MYO16: variants seen among roughly 807,000 people sequenced by gnomAD.
MYO16 encodes myosin XVI.
A neutral mutation model predicts 205.3 loss-of-function variants in MYO16; 94 were observed. The ratio of observed to expected loss-of-function variants is 0.46; its 90% CI spans 0.39 to 0.54. The LOEUF is 0.54. Among genes scored for constraint, MYO16 ranks in the 20% least tolerant of loss-of-function variants. The pLI, the probability that MYO16 is intolerant of heterozygous loss-of-function variation, is 0.00. For missense variants in MYO16, 2,315 were observed against 2,387.5 expected, an observed-to-expected ratio of 0.97 and a Z score of 0.63; for synonymous variants, 988 against 954.0, an observed-to-expected ratio of 1.04 and a Z score of -0.66.
At chr13:109,043,003 G>T (rs1301335820) in intron 23 of MYO16, among the ~76,000 whole-genome samples, 2 of 152,178 alleles carry the variant, frequency 1.3e-5, no homozygotes, top group East Asian at 3.8e-4. Context: ...ACTTTAGTTT[G>T]AATGGAAGAC....
chr13:109,135,916 A>G (rs1876753384), intron 31 of MYO16, among the ~76,000 whole-genome samples: 1 of 152,122 alleles, frequency 6.6e-6, no homozygotes, highest in Non-Finnish European at 1.5e-5. Context: ...GAAAAGACCT[A>G]TGAAGCCCCT....
At chr13:108,773,955 G>T (rs1566598184) in intron 4 of MYO16, among the ~76,000 whole-genome samples, 1 of 152,238 alleles carries the variant, frequency 6.6e-6, no homozygotes, top group African/African-American at 2.4e-5. Context: ...AGCTGGGCAT[G>T]GTGGTGAGTG....
Position 108,788,634 on chromosome 13 carries a change from CATTT to C in MYO16, c.616+2896_616+2899del, listed in dbSNP as rs1329676248. 2.6e-5 allele frequency among the ~76,000 whole-genome samples: 4 copies of C among 152,320 alleles called. No individual in the cohort carries two copies. The East Asian group carries it at 7.7e-4, about 29-fold the overall frequency. ...CCATTCTTCTAACAGTCATAGCTCA[CATTT>C]ATTTTATTGAGTTCCTAGTATCCTG... On this transcript the variant is annotated intron_variant, in intron 5 of 34. Coordinates refer to ENST00000457511, the MANE Select transcript of MYO16 (RefSeq NM_001198950.3).
At chr13:109,029,161 C>T (rs1886472715) in intron 23 of MYO16, among the ~76,000 whole-genome samples, 1 of 129,228 alleles carries the variant, frequency 7.7e-6, no homozygotes, top group Admixed American at 9.6e-5. Context: ...GTTGCCCAGG[C>T]TGGAGTGCAA....
chr13:108,837,667 AAAATCTGATTT>A (rs1877000311), intron 9 of MYO16, among the ~76,000 whole-genome samples: 1 of 152,218 alleles, frequency 6.6e-6, no homozygotes, highest in Admixed American at 6.5e-5. Flanking sequence ...AACTTGAGGT[AAAATCTGATTT>A]AAATCTGATT....
chr13:108,582,324 A>T, the MYO16 span, among the ~76,000 whole-genome samples: 4 of 152,132 alleles, frequency 2.6e-5, no homozygotes, highest in African/African-American at 9.7e-5. Flanking sequence ...ATTTGGTACA[A>T]GTCTACCCAG....
intron 4 of MYO16, among the ~76,000 whole-genome samples, chr13:108,737,309 C>T (rs1594252004): frequency 6.6e-6 from 1 of 152,202 alleles, no homozygotes; most frequent in East Asian, 1.9e-4. Context: ...TGAGCTACAT[C>T]CCATCAATAC....
chr13:108,732,989 G>A (rs1188713619), intron 4 of MYO16, among the ~76,000 whole-genome samples: 1 of 152,160 alleles, frequency 6.6e-6, no homozygotes, highest in African/African-American at 2.4e-5. Context: ...GAGAAAGTTA[G>A]AATAGAGTGA....
chr13:108,981,183 A>G (rs1279366300), intron 20 of MYO16, among the ~76,000 whole-genome samples: 1 of 152,244 alleles, frequency 6.6e-6, no homozygotes, highest in African/African-American at 2.4e-5. Flanking sequence ...CATGCCCCGC[A>G]GGCGAGGTTA....
intron 3 of MYO16, 52 bp from the exon 4 acceptor site, chr13:108,727,388 G>A: frequency 1.3e-6 from 2 of 1,562,692 alleles, no homozygotes; most frequent in Non-Finnish European, 1.7e-6. Context: ...TTTGGAATAA[G>A]CCATATCACA....
intron 27 of MYO16, among the ~76,000 whole-genome samples, chr13:109,084,915 A>C (rs917818520): frequency 1.3e-5 from 2 of 152,204 alleles, no homozygotes; most frequent in African/African-American, 4.8e-5. Context: ...CCAGAAAGGA[A>C]GCATCTAGAC....
At chr13:108,957,338 T>C (rs1238070574) in intron 16 of MYO16, among the ~76,000 whole-genome samples, 1 of 140,378 alleles carries the variant, frequency 7.1e-6, no homozygotes, top group African/African-American at 2.7e-5. Flanking sequence ...GAGCCAAGAC[T>C]GTGCACTGTG....
chr13:109,009,647 T>G (rs979238204), intron 22 of MYO16, among the ~76,000 whole-genome samples: 3 of 152,184 alleles, frequency 2.0e-5, no homozygotes, highest in Non-Finnish European at 4.4e-5. Context: ...AAGAAAACAT[T>G]ATATGGATTT....
intron 3 of MYO16, among the ~76,000 whole-genome samples, chr13:108,720,492 C>G (rs1884121425): frequency 6.6e-6 from 1 of 152,300 alleles, no homozygotes; most frequent in East Asian, 1.9e-4. Context: ...AAACATAGGA[C>G]AAAAACATGG....
intron 14 of MYO16, among the ~76,000 whole-genome samples, chr13:108,894,903 A>C (rs1880338835): frequency 6.6e-6 from 1 of 152,212 alleles, no homozygotes; most frequent in South Asian, 2.1e-4. Context: ...CCATGACATT[A>C]AATTTATTGG....
chr13:108,659,175 A>G (rs1724559441), intron 1 of MYO16, among the ~76,000 whole-genome samples: 1 of 149,272 alleles, frequency 6.7e-6, no homozygotes. Flanking sequence ...ACCAAGGTGC[A>G]TGGAAACCAT....
At chr13:108,928,739 C>A (rs922658576) in intron 16 of MYO16, among the ~76,000 whole-genome samples, 5 of 152,150 alleles carry the variant, frequency 3.3e-5, no homozygotes, top group Non-Finnish European at 7.4e-5. Context: ...ATTTTCTTTT[C>A]AGCTTAAAAT....
the MYO16 span, among the ~76,000 whole-genome samples, chr13:108,573,387 G>A: frequency 2.6e-5 from 4 of 152,176 alleles, no homozygotes; most frequent in East Asian, 1.9e-4. Flanking sequence ...TTTTAAAAAT[G>A]TAGGACTTTT....
chr13:109,166,860 GTTA>G (rs1878690474), intron 33 of MYO16: 1 of 152,176 alleles, frequency 6.6e-6, no homozygotes, highest in Admixed American at 6.5e-5. Flanking sequence ...ATAAGAAATG[GTTA>G]TTATTTCATA....
Sources: allele counts gnomAD v4.1 joint callset (sites outside exome capture counted in the v4.1 genomes callset), GRCh38; gene constraint gnomAD v4.1.1; transcripts MANE v1.5; gene names NCBI Gene and HGNC (gene_info 2026-07-23, HGNC 2026-07-21).